The following GRIP1 variants were observed in gnomAD, a reference collection of about 807,000 sequenced individuals.
GRIP1 encodes the protein glutamate receptor interacting protein 1, also known as glutamate receptor-interacting protein 1.
A neutral mutation model predicts 129.9 loss-of-function variants in GRIP1; 45 were observed. The observed-to-expected ratio is 0.35, with a 90% confidence interval of 0.27 to 0.44. GRIP1 has a LOEUF of 0.44. Among genes scored for constraint, GRIP1 ranks in the 20% least tolerant of loss-of-function variants. The pLI, the probability that GRIP1 is intolerant of heterozygous loss-of-function variation, is 1.00. For synonymous variants in GRIP1, 530 were observed against 520.8 expected, an observed-to-expected ratio of 1.02 and a Z score of -0.24; for missense variants, 1,196 against 1,396.8, an observed-to-expected ratio of 0.86 and a Z score of 2.29.
intron 1 of GRIP1, among the ~76,000 whole-genome samples, chr12:66,978,829 C>A (rs1210414049): frequency 6.6e-6 from 1 of 152,160 alleles, no homozygotes; most frequent in Non-Finnish European, 1.5e-5. Flanking sequence ...TTTTCTTTCA[C>A]TTGATCTGAC....
intron 15 of GRIP1, among the ~76,000 whole-genome samples, chr12:66,416,589 T>A (rs2057612459): frequency 1.3e-5 from 2 of 152,076 alleles, no homozygotes; most frequent in Non-Finnish European, 2.9e-5. Context: ...ATAACTGATA[T>A]CACAGAAATT....
At chr12:66,707,704 T>C (rs2035582375) in intron 1 of GRIP1, among the ~76,000 whole-genome samples, 1 of 151,948 alleles carries the variant, frequency 6.6e-6, no homozygotes, top group African/African-American at 2.4e-5. Context: ...CAAAGTTGGA[T>C]GTTGGTGAAA....
intron 2 of GRIP1, among the ~76,000 whole-genome samples, chr12:66,544,188 T>C (rs1372008518): frequency 6.6e-6 from 1 of 152,246 alleles, no homozygotes; most frequent in Non-Finnish European, 1.5e-5. Context: ...CTGATACTTG[T>C]CAATTACCCT....
Position 66,730,158 on chromosome 12 carries a change from T to C in GRIP1, c.-420+73895A>G, listed in dbSNP as rs893980964. ...TGAACTATGAAATTATTACACCTAT[T>C]AGTAGTTCTATTTTAATCTACTTTC... On this transcript the variant is annotated intron_variant, in intron 1 of 4. Coordinates refer to the GRIP1 transcript ENST00000538373. 3.3e-5 allele frequency among the ~76,000 whole-genome samples: 5 copies of C among 152,306 alleles called. No individual in the cohort carries two copies. In the East Asian group the frequency reaches 9.6e-4, roughly 29 times the overall value.
chr12:66,786,776 A>G (rs867120107), intron 1 of GRIP1, among the ~76,000 whole-genome samples: 2 of 152,204 alleles, frequency 1.3e-5, no homozygotes, highest in Non-Finnish European at 2.9e-5. Context: ...AGGAGCCTTG[A>G]GCAACACCCA....
intron 1 of GRIP1, among the ~76,000 whole-genome samples, chr12:66,959,298 T>C (rs1369108845): frequency 6.6e-6 from 1 of 152,148 alleles, no homozygotes; most frequent in African/African-American, 2.4e-5. Context: ...TTTTGTTTGG[T>C]TTTTTGCTTA....
Position 66,539,367 on chromosome 12 carries a change from G to A in GRIP1, c.273-144C>T, listed in dbSNP as rs933620124. The A allele has an allele frequency of 2.1e-5, 21 of 1,020,428 alleles. No homozygotes were observed. In the Admixed American group the frequency reaches 3.7e-4, roughly 18 times the overall value. 63.2% of individuals were successfully genotyped at this position (1,020,428 alleles called of 1,614,324 possible). A position where few individuals can be genotyped will look rare whatever the true frequency, so the allele number is the denominator to read the frequency against. On this transcript the variant is annotated intron_variant, in intron 3 of 24. Coordinates refer to ENST00000359742, the MANE Select transcript of GRIP1 (RefSeq NM_001366722.1). Reference sequence around the variant, plus strand: ...CAGCAGAAGTCCCTGCCTCCTAGGAGACGGTGGGCCCTTAAGGGTAAGAGT... The same window carrying A: ...CAGCAGAAGTCCCTGCCTCCTAGGAAACGGTGGGCCCTTAAGGGTAAGAGT...
At chr12:66,895,873 T>C (rs1174652135) in intron 1 of GRIP1, among the ~76,000 whole-genome samples, 2 of 152,212 alleles carry the variant, frequency 1.3e-5, no homozygotes, top group Non-Finnish European at 2.9e-5. Flanking sequence ...TTAGCCTAAA[T>C]AATAAATGTG....
At chr12:66,844,293 T>C (rs537054880) in intron 1 of GRIP1, among the ~76,000 whole-genome samples, 41 of 152,224 alleles carry the variant, frequency 2.7e-4, no homozygotes, top group Non-Finnish European at 5.6e-4. Context: ...AAGACTTGAA[T>C]AGACATTCCT....
chr12:66,686,371 G>A (rs756125317), intron 1 of GRIP1, among the ~76,000 whole-genome samples: 3 of 152,180 alleles, frequency 2.0e-5, no homozygotes, highest in Non-Finnish European at 4.4e-5. Context: ...TGTGTATGAA[G>A]GAAATACCAA....
chr12:66,471,000 T>C (rs552878281), intron 7 of GRIP1, among the ~76,000 whole-genome samples: 2 of 152,306 alleles, frequency 1.3e-5, no homozygotes, highest in Admixed American at 6.5e-5. Flanking sequence ...GTAATACTTT[T>C]CATCATTGTC....
chr12:66,689,808 T>A lies in GRIP1; in HGVS notation c.-419-59472A>T, dbSNP rs1455204562. 5.3e-5 allele frequency among the ~76,000 whole-genome samples: 8 copies of A among 152,158 alleles called. No individual in the cohort carries two copies. In the East Asian group the frequency reaches 1.5e-3, roughly 29 times the overall value. On this transcript the variant is annotated intron_variant, in intron 1 of 4. Transcript: ENST00000538373. ...GTAATTGAAAGTTCGTACCCTTTGA[T>A]CAACATCTCCCCATTTCCCCCACTC...
chr12:66,501,370 G>A (rs1013856088), intron 7 of GRIP1, among the ~76,000 whole-genome samples: 3 of 152,082 alleles, frequency 2.0e-5, no homozygotes, highest in African/African-American at 7.2e-5. Context: ...TTGTAGTCTT[G>A]TTTCTTTTGA....
At chr12:66,436,285 C>T (rs866789819) in intron 13 of GRIP1, among the ~76,000 whole-genome samples, 1 of 152,066 alleles carries the variant, frequency 6.6e-6, no homozygotes, top group Admixed American at 6.6e-5. Flanking sequence ...TTGTGAGGAA[C>T]GTGAACGTTT....
At chr12:66,936,622 C>T (rs2041490022) in intron 1 of GRIP1, among the ~76,000 whole-genome samples, 1 of 152,066 alleles carries the variant, frequency 6.6e-6, no homozygotes, top group African/African-American at 2.4e-5. Flanking sequence ...CTGAGGGAAA[C>T]CCCGAATTTG....
intron 23 of GRIP1, among the ~76,000 whole-genome samples, chr12:66,366,679 T>G (rs1270752716): frequency 1.3e-5 from 2 of 152,120 alleles, no homozygotes; most frequent in African/African-American, 4.8e-5. Flanking sequence ...ATATGATTTT[T>G]GTTTTTGTTT....
chr12:66,836,540 A>C (rs2137034712), intron 1 of GRIP1, among the ~76,000 whole-genome samples: 1 of 151,960 alleles, frequency 6.6e-6, no homozygotes, highest in South Asian at 2.1e-4. Context: ...TGATTTCACT[A>C]AATTTAGAGA....
rs1025675349 is a variant in GRIP1 at position 67,038,988 on chromosome 12, A to G, written c.58+30062T>C. ...TGACCAAACCCATTCCCAAATCCCT[A>G]TATGTAATAAGAAATAGTCACAAAT... On this transcript the variant is annotated intron_variant, in intron 1 of 1. Coordinates refer to the GRIP1 transcript ENST00000643019. Among the ~76,000 whole-genome samples, 3 of 150,356 alleles carry G rather than the reference A, an allele frequency of 2.0e-5. No homozygotes were observed. The Admixed American group carries it at 2.0e-4, about 10-fold the overall frequency.
intron 7 of GRIP1, among the ~76,000 whole-genome samples, chr12:66,492,693 G>A (rs1046708866): frequency 6.6e-6 from 1 of 152,192 alleles, no homozygotes; most frequent in Non-Finnish European, 1.5e-5. Context: ...CAGCAAATAA[G>A]TTGGATGTCA....
Sources: allele counts gnomAD v4.1 joint callset (sites outside exome capture counted in the v4.1 genomes callset), GRCh38; gene constraint gnomAD v4.1.1; transcripts MANE v1.5; gene names NCBI Gene and HGNC (gene_info 2026-07-23, HGNC 2026-07-21).